Variants in HPSE2 observed in about 807,000 individuals in gnomAD.
HPSE2 encodes heparanase 2 (inactive), also known as inactive heparanase-2.
A neutral mutation model predicts 60.5 loss-of-function variants in HPSE2; 38 were observed. The ratio of observed to expected loss-of-function variants is 0.63; its 90% CI spans 0.48 to 0.82. HPSE2 has a LOEUF of 0.82. Among genes scored for constraint, HPSE2 ranks in the 40% least tolerant of loss-of-function variants. The pLI is 0.00. For synonymous variants in HPSE2, 295 were observed against 293.2 expected, an observed-to-expected ratio of 1.01 and a Z score of -0.06; for missense variants, 713 against 740.4, an observed-to-expected ratio of 0.96 and a Z score of 0.43.
In HPSE2 at chr10:99,011,648, C is replaced by T. The variant is rs748823197; in HGVS notation, c.610+132590G>A. On this transcript the variant is annotated intron_variant, in intron 3 of 11. Coordinates refer to ENST00000370552, the MANE Select transcript of HPSE2 (RefSeq NM_021828.5). ...GCATGTGCTGGTAGTCCCAGCTACT[C>T]GGGAGACTGAGGCAGGAGAATTGCT... Among the ~76,000 whole-genome samples the T allele has an allele frequency of 7.4e-4, 109 of 147,354 alleles. 1 individual carries two copies. The highest frequency in any genetic ancestry group is 2.1e-4 in the Admixed American group (3 of 14,220).
At chr10:99,117,683 G>A (rs1844766109) in intron 3 of HPSE2, among the ~76,000 whole-genome samples, 1 of 151,972 alleles carries the variant, frequency 6.6e-6, no homozygotes, top group Non-Finnish European at 1.5e-5. Context: ...TGGAATTCAT[G>A]AACAGACCAA....
chr10:98,848,503 C>T (rs1165946050), intron 3 of HPSE2, among the ~76,000 whole-genome samples: 2 of 152,058 alleles, frequency 1.3e-5, no homozygotes, highest in South Asian at 4.2e-4. Context: ...CTCATAAACA[C>T]CATCTCTTAC....
At chr10:99,066,401 G>A (rs1842618390) in intron 3 of HPSE2, among the ~76,000 whole-genome samples, 1 of 152,058 alleles carries the variant, frequency 6.6e-6, no homozygotes, top group African/African-American at 2.4e-5. Context: ...AAAGAAAAGA[G>A]AGGAAAAAAA....
intron 6 of HPSE2, among the ~76,000 whole-genome samples, chr10:98,652,395 C>A (rs1445645666): frequency 6.6e-6 from 1 of 152,188 alleles, no homozygotes; most frequent in Non-Finnish European, 1.5e-5. Flanking sequence ...CATGATTCAA[C>A]AACCAGTCCC....
chr10:99,310,657 C>T, the HPSE2 span, among the ~76,000 whole-genome samples: 130,529 of 152,178 alleles, frequency 0.86, 56,369 homozygotes, highest in African/African-American at 0.93. Context: ...GACAGGGTCC[C>T]GCTCTGTCGC....
chr10:98,521,297 A>T (rs1199211179), intron 9 of HPSE2, among the ~76,000 whole-genome samples: 1 of 152,216 alleles, frequency 6.6e-6, no homozygotes, highest in African/African-American at 2.4e-5. Context: ...TTTACAAGAA[A>T]AAAACTCCAT....
intron 9 of HPSE2, among the ~76,000 whole-genome samples, chr10:98,511,271 C>T (rs771443246): frequency 6.6e-6 from 1 of 151,980 alleles, no homozygotes; most frequent in Non-Finnish European, 1.5e-5. Flanking sequence ...TTGCCTTAGC[C>T]TCCAGAGTAG....
chr10:98,862,834 T>G (rs1486311830), intron 3 of HPSE2, among the ~76,000 whole-genome samples: 1 of 152,156 alleles, frequency 6.6e-6, no homozygotes, highest in Non-Finnish European at 1.5e-5. Context: ...TGATCATAGC[T>G]CACCGTAACC....
At chr10:98,823,621 T>C (rs1951473852) in intron 3 of HPSE2, among the ~76,000 whole-genome samples, 1 of 152,002 alleles carries the variant, frequency 6.6e-6, no homozygotes, top group African/African-American at 2.4e-5. Context: ...CAAGACCCCA[T>C]CTCTAAAAAA....
At chr10:99,162,457 T>C (rs1846882559) in intron 2 of HPSE2, among the ~76,000 whole-genome samples, 1 of 152,164 alleles carries the variant, frequency 6.6e-6, no homozygotes, top group African/African-American at 2.4e-5. Flanking sequence ...ATGCTTTGGC[T>C]TCCCTCACAC....
intron 3 of HPSE2, among the ~76,000 whole-genome samples, chr10:98,984,455 C>T (rs1956286890): frequency 6.6e-6 from 1 of 152,174 alleles, no homozygotes; most frequent in Non-Finnish European, 1.5e-5. Context: ...GGAAAACTAA[C>T]AAACAGAAAG....
Position 98,816,048 on chromosome 10 carries a change from G to A in HPSE2, c.611-71992C>T, listed in dbSNP as rs1474613718. On this transcript the variant is annotated intron_variant, in intron 3 of 11. Coordinates refer to ENST00000370552, the MANE Select transcript of HPSE2 (RefSeq NM_021828.5). The stretch of plus-strand genomic sequence containing the variant: ...GTTGTGGGGTGGGGGGGAGGGGGGA[G>A]GGATAGCATTAGGAGATATACCTAA... Among the ~76,000 whole-genome samples the A allele has an allele frequency of 2.6e-5, 3 of 117,232 alleles. No homozygotes were observed. The Admixed American group carries it at 2.8e-4, about 11-fold the overall frequency. The allele number at this position is 117,232 out of a possible 152,430, so 76.9% of individuals were successfully genotyped here.
intron 3 of HPSE2, among the ~76,000 whole-genome samples, chr10:98,850,458 C>T (rs1021594265): frequency 5.9e-5 from 9 of 151,982 alleles, no homozygotes; most frequent in Admixed American, 2.6e-4. Flanking sequence ...TATTTTGGGC[C>T]GGGCACGGTG....
At chr10:98,734,699 GCTT>G (rs1949306801) in intron 4 of HPSE2, among the ~76,000 whole-genome samples, 1 of 151,904 alleles carries the variant, frequency 6.6e-6, no homozygotes, top group Non-Finnish European at 1.5e-5. Flanking sequence ...TCTTTTAACT[GCTT>G]CTTGTGTTGT....
At chr10:98,602,410 T>C (rs1037591597) in intron 9 of HPSE2, among the ~76,000 whole-genome samples, 9 of 152,180 alleles carry the variant, frequency 5.9e-5, no homozygotes, top group African/African-American at 1.9e-4. Flanking sequence ...ATTCATTTGA[T>C]TGAGCTGTGA....
At chr10:98,531,903 A>G (rs1345640503) in intron 9 of HPSE2, among the ~76,000 whole-genome samples, 1 of 151,996 alleles carries the variant, frequency 6.6e-6, no homozygotes, top group African/African-American at 2.4e-5. Flanking sequence ...TAATACCTAA[A>G]CTCATAGGGT....
intron 3 of HPSE2, among the ~76,000 whole-genome samples, chr10:99,035,035 C>T (rs1052643061): frequency 1.9e-4 from 29 of 152,254 alleles, no homozygotes; most frequent in African/African-American, 6.3e-4. Context: ...CATTATTGTA[C>T]ACTACTGTAG....
chr10:98,690,254 G>A (rs1948040811), intron 6 of HPSE2, among the ~76,000 whole-genome samples: 1 of 152,152 alleles, frequency 6.6e-6, no homozygotes, highest in Admixed American at 6.5e-5. Context: ...AATAACTACA[G>A]AGAAGGCCGG....
At chr10:98,896,938 G>A (rs562505343) in intron 3 of HPSE2, among the ~76,000 whole-genome samples, 63 of 152,288 alleles carry the variant, frequency 4.1e-4, no homozygotes, top group African/African-American at 1.5e-3. Flanking sequence ...ATCTATTAAA[G>A]AAGTTGAATT....
Sources: gnomAD v4.1 joint callset for allele counts (sites outside exome capture counted in the v4.1 genomes callset) on GRCh38, gnomAD v4.1.1 for gene constraint, MANE v1.5 for transcripts, NCBI Gene and HGNC (gene_info 2026-07-23, HGNC 2026-07-21) for gene names.